The following EPHA7 variants were observed in gnomAD, a reference collection of about 807,000 sequenced individuals.
The protein encoded by EPHA7 is EPH receptor A7.
Under a neutral mutation model 112.6 loss-of-function variants are expected in EPHA7, and 25 were observed. That is an observed-to-expected ratio of 0.22 (90% CI 0.16 to 0.31). The LOEUF is 0.31. Ranked by LOEUF, EPHA7 falls within the 10% of genes least tolerant of loss-of-function variation. The pLI is 1.00. For missense variants in EPHA7, 962 were observed against 1,212.6 expected, an observed-to-expected ratio of 0.79 and a Z score of 3.07; for synonymous variants, 437 against 406.5, an observed-to-expected ratio of 1.07 and a Z score of -0.90.
intron 5 of EPHA7, among the ~76,000 whole-genome samples, chr6:93,297,532 C>A (rs185045941): frequency 1.3e-5 from 2 of 152,112 alleles, no homozygotes. Context: ...CTCATTTATT[C>A]CTTTGTTTAT....
intron 1 of EPHA7, among the ~76,000 whole-genome samples, chr6:93,415,626 C>A (rs1004120314): frequency 1.3e-5 from 2 of 151,984 alleles, no homozygotes; most frequent in African/African-American, 4.8e-5. Flanking sequence ...AATTACTCTT[C>A]TAAAGCACTC....
chr6:93,407,610 A>G (rs1367677151), intron 3 of EPHA7, among the ~76,000 whole-genome samples: 7 of 152,218 alleles, frequency 4.6e-5, no homozygotes, highest in South Asian at 4.1e-4. Flanking sequence ...ATTAAACCAT[A>G]AGGCAGCATC....
At chr6:93,318,766 G>T (rs1475280128) in intron 5 of EPHA7, among the ~76,000 whole-genome samples, 1 of 151,972 alleles carries the variant, frequency 6.6e-6, no homozygotes, top group African/African-American at 2.4e-5. Context: ...GCAATCATTT[G>T]TCAGCTTTTC....
chr6:93,307,596 G>A (rs894138960), intron 5 of EPHA7, among the ~76,000 whole-genome samples: 10 of 152,096 alleles, frequency 6.6e-5, no homozygotes, highest in Admixed American at 3.9e-4. Context: ...TCTGAGCCAA[G>A]TTTATTTGCA....
rs1053919582 is a variant in EPHA7, at chr6:93,306,453, A to G, written c.1325-34031T>C. 4.6e-5 allele frequency among the ~76,000 whole-genome samples: 7 copies of G among 152,052 alleles called. No homozygotes were observed. In the South Asian group the frequency reaches 8.3e-4, roughly 18 times the overall value. On this transcript the variant is annotated intron_variant, in intron 5 of 16. Transcript: ENST00000369303. ...CAAATAATTTCTTTTGAACTAGCCA[A>G]TCCCACAAATGTGTGTGCATGGCAC...
At chr6:93,417,679 C>G (rs1779308114) in intron 1 of EPHA7, among the ~76,000 whole-genome samples, 1 of 152,118 alleles carries the variant, frequency 6.6e-6, no homozygotes, top group Non-Finnish European at 1.5e-5. Flanking sequence ...CCAGAGGAAT[C>G]ACAGTATGCC....
At position 93,245,472 on chromosome 6, in the gene EPHA7, G is replaced by A. The variant is rs1429116121; in HGVS notation, c.2727-19C>T. On this transcript the variant is annotated intron_variant, in intron 15 of 16. Coordinates refer to ENST00000369303, the MANE Select transcript of EPHA7 (RefSeq NM_004440.4). The stretch of plus-strand genomic sequence containing the variant: ...TATTGGCCTAGATAAAAATGAAACA[G>A]AAAAGCGAACATTATCCTGAAATAC... 1.9e-6 allele frequency: 3 copies of A among 1,600,716 alleles called. No homozygotes were observed. The highest frequency in any genetic ancestry group is 2.6e-6 in the Non-Finnish European group (3 of 1,176,142).
intron 5 of EPHA7, among the ~76,000 whole-genome samples, chr6:93,306,249 G>A (rs995801054): frequency 6.6e-6 from 1 of 151,944 alleles, no homozygotes; most frequent in African/African-American, 2.4e-5. Context: ...GCCAGAGAAT[G>A]TATTGAGAAG....
intron 5 of EPHA7, among the ~76,000 whole-genome samples, chr6:93,339,783 T>C (rs1291073931): frequency 4.0e-4 from 61 of 151,916 alleles, no homozygotes; most frequent in Admixed American, 3.8e-3. Flanking sequence ...TGTCAATACA[T>C]TGAAAAAACA....
intron 5 of EPHA7, among the ~76,000 whole-genome samples, chr6:93,334,163 T>C (rs1774741449): frequency 6.6e-6 from 1 of 152,028 alleles, no homozygotes; most frequent in African/African-American, 2.4e-5. Context: ...GGGAATGAAC[T>C]ATTTATTCAA....
At chr6:93,364,134 T>A (rs1445853727) in intron 3 of EPHA7, among the ~76,000 whole-genome samples, 24 of 152,308 alleles carry the variant, frequency 1.6e-4, no homozygotes, top group Non-Finnish European at 2.9e-5. Context: ...GTGACAGTTG[T>A]ACAACTCTGT....
At chr6:93,365,378 C>A (rs1327262308) in intron 3 of EPHA7, among the ~76,000 whole-genome samples, 1 of 152,134 alleles carries the variant, frequency 6.6e-6, no homozygotes, top group African/African-American at 2.4e-5. Context: ...GATGAATATT[C>A]ATCTTAATTC....
chr6:93,366,705 CT>C lies in EPHA7; in HGVS notation c.833-8295del, dbSNP rs1291115793. ...GATCCGTCTGCCAACCGGTTTACCT[CT>C]CGCTTTCACCGTGCCATTGTTGCTG... On this transcript the variant is annotated intron_variant, in intron 3 of 16. Transcript: ENST00000369303. Among the ~76,000 whole-genome samples the C allele has an allele frequency of 2.0e-5, 3 of 152,136 alleles. No homozygotes were observed. The East Asian group carries it at 5.8e-4, about 29-fold the overall frequency.
rs1582600258 is a variant in EPHA7, at chr6:93,364,163, T to C, written c.833-5752A>G. Among the ~76,000 whole-genome samples the C allele has an allele frequency of 2.6e-5, 4 of 152,164 alleles. No homozygotes were observed. In the East Asian group the frequency reaches 7.7e-4, roughly 29 times the overall value. On this transcript the variant is annotated intron_variant, in intron 3 of 16. Coordinates refer to ENST00000369303, the MANE Select transcript of EPHA7 (RefSeq NM_004440.4). ...ACTCTGTGACTATAACAAAAATCCA[T>C]ATATTGTACACTTTAATGGGGGAAT...
intron 3 of EPHA7, among the ~76,000 whole-genome samples, chr6:93,366,121 T>C (rs1005254358): frequency 6.6e-6 from 1 of 152,160 alleles, no homozygotes; most frequent in African/African-American, 2.4e-5. Flanking sequence ...TCTGATGTCA[T>C]TATCCAAATG....
At chr6:93,350,559 T>A (rs1371905205) in intron 5 of EPHA7, among the ~76,000 whole-genome samples, 2 of 150,322 alleles carry the variant, frequency 1.3e-5, no homozygotes, top group Non-Finnish European at 3.0e-5. Flanking sequence ...GTCATATAGA[T>A]CATTCATCCA....
At chr6:93,377,531 G>T (rs909056129) in intron 3 of EPHA7, among the ~76,000 whole-genome samples, 4 of 99,042 alleles carry the variant, frequency 4.0e-5, no homozygotes, top group Non-Finnish European at 5.9e-5. Flanking sequence ...TGTAAAATAA[G>T]AAAAAAGCTT....
chr6:93,412,718 G>A (rs479191), intron 2 of EPHA7, among the ~76,000 whole-genome samples: 86,996 of 151,800 alleles, frequency 0.57, 26,606 homozygotes, highest in African/African-American at 0.79. Flanking sequence ...TGAAATTGCT[G>A]AAAGAAGTAA....
intron 3 of EPHA7, among the ~76,000 whole-genome samples, chr6:93,358,759 C>G (rs1776090797): frequency 2.0e-5 from 3 of 152,108 alleles, no homozygotes; most frequent in African/African-American, 7.2e-5. Flanking sequence ...ACATAATTAA[C>G]TGTTTGTTGG....
Sources: gnomAD v4.1 joint callset for allele counts (sites outside exome capture counted in the v4.1 genomes callset) on GRCh38, gnomAD v4.1.1 for gene constraint, MANE v1.5 for transcripts, NCBI Gene and HGNC (gene_info 2026-07-23, HGNC 2026-07-21) for gene names.